Variants in SCAI observed in about 807,000 individuals in gnomAD.
The protein encoded by SCAI is protein SCAI.
A neutral mutation model predicts 92.2 loss-of-function variants in SCAI; 24 were observed. The ratio of observed to expected loss-of-function variants is 0.26; its 90% CI spans 0.19 to 0.37. SCAI has a LOEUF of 0.37. Ranked by LOEUF, SCAI falls within the 10% of genes least tolerant of loss-of-function variation. The pLI is 1.00. For synonymous variants in SCAI, 261 were observed against 258.6 expected (o/e 1.01, Z -0.09); for missense variants, 450 against 736.2 (o/e 0.61, Z 4.50).
chr9:124,961,320 T>C (rs148486580), intron 17 of SCAI, among the ~76,000 whole-genome samples: 330 of 151,084 alleles, frequency 2.2e-3, no homozygotes, highest in African/African-American at 7.6e-3. Context: ...GAAGTGTTTG[T>C]GGGTGACGTC....
intron 2 of SCAI, among the ~76,000 whole-genome samples, chr9:125,059,426 C>T (rs936115716): frequency 6.6e-6 from 1 of 152,172 alleles, no homozygotes. Flanking sequence ...AAGGACTAGA[C>T]AGGAGTAAAT....
Position 124,971,789 on chromosome 9 carries a change from G to A in SCAI, c.1455C>T (p.Ala485=). 6.2e-7 allele frequency: 1 copy of A among 1,611,294 alleles called. No individual in the cohort carries two copies. Among genetic ancestry groups the A allele is most frequent in the East Asian group, 2.2e-5 (1 of 44,816 alleles). Residue 485 remains alanine (A), a synonymous_variant, in exon 16 of 18, where the codon GCC becomes GCT. Coordinates refer to ENST00000336505, the MANE Select transcript of SCAI (RefSeq NM_001144877.3). ...FTLFLNNPLM[A]FLFVSGLSSM... ...TTGACAATCCAGAGACAAATAGGAAGGCCATTAGAGGATTGTTCAAAAAGA... is the reference window on the plus strand; with the variant it reads ...TTGACAATCCAGAGACAAATAGGAAAGCCATTAGAGGATTGTTCAAAAAGA...
intron 3 of SCAI, among the ~76,000 whole-genome samples, chr9:125,038,537 T>C (rs1833249484): frequency 6.6e-6 from 1 of 152,232 alleles, no homozygotes; most frequent in Admixed American, 6.5e-5. Flanking sequence ...TTGATCTGCT[T>C]ACCTAGATGT....
chr9:125,126,036 T>G (rs1270393903), intron 2 of SCAI, among the ~76,000 whole-genome samples: 1 of 151,742 alleles, frequency 6.6e-6, no homozygotes, highest in African/African-American at 2.4e-5. Context: ...ATGAAGCCAG[T>G]GCTGGAAGAA....
intron 9 of SCAI, among the ~76,000 whole-genome samples, chr9:125,016,697 G>T (rs1381145240): frequency 6.6e-6 from 1 of 151,980 alleles, no homozygotes; most frequent in Non-Finnish European, 1.5e-5. Context: ...TTTAGTAAAT[G>T]GTGCTAGGTC....
At chr9:125,124,105 C>T (rs1416044051) in intron 2 of SCAI, among the ~76,000 whole-genome samples, 13 of 152,032 alleles carry the variant, frequency 8.6e-5, no homozygotes, top group Admixed American at 6.6e-5. Flanking sequence ...TGACAGACTG[C>T]GTCAATGCAG....
At chr9:125,066,448 T>TTTTA (rs1164030437) in intron 2 of SCAI, among the ~76,000 whole-genome samples, 3 of 125,638 alleles carry the variant, frequency 2.4e-5, no homozygotes, top group African/African-American at 9.0e-5. Flanking sequence ...TTTTATTTTA[T>TTTTA]TTTATTTATT....
At chr9:125,063,307 G>A (rs1181377971) in intron 2 of SCAI, among the ~76,000 whole-genome samples, 2 of 149,804 alleles carry the variant, frequency 1.3e-5, no homozygotes, top group African/African-American at 2.5e-5. Context: ...CACTCAGGAA[G>A]TGAAGGTTGC....
chr9:125,029,554 C>T (rs1833030615), intron 4 of SCAI, 90 bp downstream of exon 4: 2 of 631,360 alleles, frequency 3.2e-6, no homozygotes, highest in East Asian at 2.9e-5. Flanking sequence ...GAAAAAGCAC[C>T]AAGACAAAAA....
At chr9:125,072,871 C>T (rs1002351617) in intron 2 of SCAI, among the ~76,000 whole-genome samples, 1 of 152,116 alleles carries the variant, frequency 6.6e-6, no homozygotes, top group African/African-American at 2.4e-5. Context: ...GTATTTCCTT[C>T]CTTTTTAAGG....
At chr9:124,953,280 A>C (rs144108447) in intron 17 of SCAI, among the ~76,000 whole-genome samples, 1 of 152,166 alleles carries the variant, frequency 6.6e-6, no homozygotes, top group African/African-American at 2.4e-5. Flanking sequence ...ACACATATAG[A>C]ATTTCAACAA....
rs762697990 is a variant in SCAI, at chr9:124,950,450, AGC to A, written c.*2355_*2356del. ...CTTTATGCTTAACGGGGGAGGATAA[AGC>A]TCAGAACAGTAAATACTATTTTAAA... is the stretch of plus-strand genomic sequence containing the variant. On this transcript the variant is annotated 3_prime_UTR_variant, in exon 18 of 18. Coordinates refer to ENST00000336505, the MANE Select transcript of SCAI (RefSeq NM_001144877.3). 2 of 152,196 alleles carry A rather than the reference AGC, an allele frequency of 1.3e-5. No individual in the cohort carries two copies. The highest frequency in any genetic ancestry group is 2.9e-5 in the Non-Finnish European group (2 of 68,040). 9.4% of individuals were successfully genotyped at this position (152,196 alleles called of 1,614,324 possible). A position where few individuals can be genotyped will look rare whatever the true frequency, so the allele number is the denominator to read the frequency against.
intron 3 of SCAI, among the ~76,000 whole-genome samples, chr9:125,042,627 G>GTGTGTGTT (rs1554783826): frequency 1.0e-5 from 1 of 98,896 alleles, no homozygotes; most frequent in Non-Finnish European, 1.9e-5. Flanking sequence ...GTGTGTGTGT[G>GTGTGTGTT]TGTGTGTACA....
chr9:125,010,634 C>T (rs1175708761), intron 9 of SCAI, among the ~76,000 whole-genome samples: 1 of 152,182 alleles, frequency 6.6e-6, no homozygotes, highest in Non-Finnish European at 1.5e-5. Context: ...CAGCAGTAAC[C>T]TCTGCAGACT....
At chr9:124,991,773 G>A (rs1272276868) in intron 14 of SCAI, among the ~76,000 whole-genome samples, 1 of 152,040 alleles carries the variant, frequency 6.6e-6, no homozygotes, top group Non-Finnish European at 1.5e-5. Flanking sequence ...GGAAGCGGAG[G>A]TTTCAGTGAG....
chr9:125,032,899 G>A (rs556446146), intron 3 of SCAI, among the ~76,000 whole-genome samples: 90 of 152,256 alleles, frequency 5.9e-4, no homozygotes, highest in South Asian at 1.0e-3. Context: ...TTACAGGTGT[G>A]AGCCACTGCG....
chr9:125,000,057 CAAAGGT>C, intron 12 of SCAI, 67 bp from the exon 13 acceptor site: 1 of 671,352 alleles, frequency 1.5e-6, no homozygotes. Context: ...TGTTCAAATA[CAAAGGT>C]ACTGTGTGAA....
intron 12 of SCAI, among the ~76,000 whole-genome samples, chr9:125,000,612 A>C (rs1564372624): frequency 1.3e-5 from 2 of 151,896 alleles, no homozygotes; most frequent in Non-Finnish European, 2.9e-5. Flanking sequence ...AGAAAAAAAA[A>C]AAGAAGTTGC....
chr9:125,114,356 C>T (rs919261079), intron 2 of SCAI, among the ~76,000 whole-genome samples: 1 of 151,578 alleles, frequency 6.6e-6, no homozygotes, highest in Non-Finnish European at 1.5e-5. Flanking sequence ...AACATACACT[C>T]CACTAGTAAT....
Sources: allele counts gnomAD v4.1 joint callset (sites outside exome capture counted in the v4.1 genomes callset), GRCh38; gene constraint gnomAD v4.1.1; transcripts MANE v1.5; gene names NCBI Gene and HGNC (gene_info 2026-07-23, HGNC 2026-07-21).